Variants in TNNI3K observed in about 807,000 individuals in gnomAD.
TNNI3K encodes serine/threonine-protein kinase TNNI3K.
A neutral mutation model predicts 114.5 loss-of-function variants in TNNI3K; 140 were observed. That is an observed-to-expected ratio of 1.22 (90% CI 1.07 to 1.41). TNNI3K has a LOEUF of 1.41. TNNI3K is among the 40% of genes most tolerant of loss of function. The pLI is 0.00. For missense variants in TNNI3K, 1,125 were observed against 1,007.6 expected (o/e 1.12, Z -1.58); for synonymous variants, 347 against 347.5 (o/e 1.00, Z 0.02).
At chr1:74,349,907 C>G (rs1340989780) in intron 9 of TNNI3K, among the ~76,000 whole-genome samples, 1 of 152,084 alleles carries the variant, frequency 6.6e-6, no homozygotes, top group Non-Finnish European at 1.5e-5. Flanking sequence ...TTTTGTTGAT[C>G]TTTTCAAAAA....
At chr1:74,522,938 A>G (rs915113119) in intron 23 of TNNI3K, among the ~76,000 whole-genome samples, 3 of 152,230 alleles carry the variant, frequency 2.0e-5, no homozygotes, top group Non-Finnish European at 4.4e-5. Flanking sequence ...TCTAACTCCA[A>G]GCCCAACTGC....
chr1:74,488,573 C>G (rs568065030), intron 21 of TNNI3K, among the ~76,000 whole-genome samples: 1 of 152,244 alleles, frequency 6.6e-6, no homozygotes, highest in Non-Finnish European at 1.5e-5. Flanking sequence ...ATTTTTATAT[C>G]CCTTGCAACT....
chr1:74,316,425 C>G (rs984385582), intron 5 of TNNI3K, among the ~76,000 whole-genome samples: 1 of 152,190 alleles, frequency 6.6e-6, no homozygotes, highest in African/African-American at 2.4e-5. Flanking sequence ...TCCTTTCTAA[C>G]CTTCATCTCC....
At chr1:74,479,901 A>G (rs1358314246) in intron 21 of TNNI3K, among the ~76,000 whole-genome samples, 1 of 152,268 alleles carries the variant, frequency 6.6e-6, no homozygotes, top group Non-Finnish European at 1.5e-5. Flanking sequence ...CAAGGTCACC[A>G]ATGCTATTTA....
intron 17 of TNNI3K, chr1:74,375,554 A>G (rs1662863515): frequency 2.2e-6 from 1 of 455,230 alleles, no homozygotes; most frequent in South Asian, 1.6e-5. Context: ...AGTGCTTGAG[A>G]TATTTTGCAG....
intron 11 of TNNI3K, among the ~76,000 whole-genome samples, chr1:74,364,439 A>C (rs1028504796): frequency 2.6e-5 from 4 of 151,960 alleles, no homozygotes; most frequent in Non-Finnish European, 5.9e-5. Context: ...TGAAATATTC[A>C]TGAAACTGGA....
chr1:74,318,729 A>G (rs1659452915), intron 5 of TNNI3K, among the ~76,000 whole-genome samples: 1 of 152,168 alleles, frequency 6.6e-6, no homozygotes, highest in South Asian at 2.1e-4. Flanking sequence ...ACCTTATATC[A>G]TAGTTATTTT....
chr1:74,521,527 T>C (rs891153468), intron 23 of TNNI3K, among the ~76,000 whole-genome samples: 3 of 152,116 alleles, frequency 2.0e-5, no homozygotes, highest in Non-Finnish European at 4.4e-5. Flanking sequence ...TATATATATA[T>C]ATACACCTAT....
At chr1:74,296,922 C>T (rs1196143549) in intron 5 of TNNI3K, among the ~76,000 whole-genome samples, 7 of 151,936 alleles carry the variant, frequency 4.6e-5, no homozygotes, top group African/African-American at 1.7e-4. Context: ...ATTTGGAATC[C>T]TTCAGATTTG....
At chr1:74,484,522 G>A (rs1463982494) in intron 21 of TNNI3K, among the ~76,000 whole-genome samples, 1 of 152,148 alleles carries the variant, frequency 6.6e-6, no homozygotes, top group Non-Finnish European at 1.5e-5. Context: ...ACAAGAAAAG[G>A]AGAAGATCGC....
At chr1:74,332,974 A>AG (rs1223373154) in intron 6 of TNNI3K, among the ~76,000 whole-genome samples, 3,333 of 31,146 alleles carry the variant, frequency 0.11, 90 homozygotes, top group African/African-American at 0.16. Flanking sequence ...AAAAAAAAAA[A>AG]AAAGAGAGAG....
chr1:74,308,779 A>G (rs1162542794), intron 5 of TNNI3K, among the ~76,000 whole-genome samples: 1 of 152,198 alleles, frequency 6.6e-6, no homozygotes, highest in Non-Finnish European at 1.5e-5. Context: ...AGAAAAAAAG[A>G]GAGAAGACTC....
At chr1:74,297,361 T>C (rs923783100) in intron 5 of TNNI3K, among the ~76,000 whole-genome samples, 7 of 152,122 alleles carry the variant, frequency 4.6e-5, no homozygotes, top group African/African-American at 1.7e-4. Context: ...TGGTGGGACT[T>C]TTGGGAGACC....
chr1:74,355,918 A>G (rs568557158), intron 11 of TNNI3K, among the ~76,000 whole-genome samples: 2 of 152,266 alleles, frequency 1.3e-5, no homozygotes, highest in East Asian at 3.9e-4. Context: ...ACAAACATAT[A>G]TATACCTTTG....
chr1:74,331,280 T>C (rs955167661), intron 5 of TNNI3K, among the ~76,000 whole-genome samples, 170 bp from the exon 6 acceptor site: 13 of 152,188 alleles, frequency 8.5e-5, no homozygotes, highest in African/African-American at 2.7e-4. Flanking sequence ...TTAGTCTTTA[T>C]CTTTCATAAA....
chr1:74,538,310 G>T (rs996813678), intron 23 of TNNI3K, among the ~76,000 whole-genome samples: 2 of 152,074 alleles, frequency 1.3e-5, no homozygotes, highest in African/African-American at 4.8e-5. Context: ...GAATGCTGTG[G>T]TAAGGCTTTT....
At chr1:74,535,757 T>C (rs1053140248) in intron 23 of TNNI3K, among the ~76,000 whole-genome samples, 2 of 152,202 alleles carry the variant, frequency 1.3e-5, no homozygotes, top group African/African-American at 2.4e-5. Flanking sequence ...ATGTCATCTA[T>C]ATGAAATACC....
intron 23 of TNNI3K, among the ~76,000 whole-genome samples, chr1:74,495,153 AGG>A (rs1257702877): frequency 2.4e-4 from 37 of 152,290 alleles, no homozygotes; most frequent in East Asian, 3.9e-4. Flanking sequence ...AACTCTGATA[AGG>A]GTGTATCTGT....
chr1:74,459,038 C>T (rs1430513942), intron 20 of TNNI3K, among the ~76,000 whole-genome samples: 1 of 152,060 alleles, frequency 6.6e-6, no homozygotes, highest in Non-Finnish European at 1.5e-5. Flanking sequence ...CATTAATTCC[C>T]CTTGGATAAT....
Sources: gnomAD v4.1 joint callset for allele counts (sites outside exome capture counted in the v4.1 genomes callset) on GRCh38, gnomAD v4.1.1 for gene constraint, MANE v1.5 for transcripts, NCBI Gene and HGNC (gene_info 2026-07-23, HGNC 2026-07-21) for gene names.